The following KCND2 variants were observed in gnomAD, a reference collection of about 807,000 sequenced individuals.
The protein encoded by KCND2 is potassium voltage-gated channel subfamily D member 2, also known as A-type voltage-gated potassium channel KCND2.
In KCND2, 16 loss-of-function variants were observed where a neutral mutation model predicts 54.4. That is an observed-to-expected ratio of 0.29 (90% CI 0.20 to 0.45). KCND2 has a LOEUF of 0.45. Among genes scored for constraint, KCND2 ranks in the 20% least tolerant of loss-of-function variants. KCND2 has a pLI of 1.00. For missense variants in KCND2, 486 were observed against 824.2 expected (o/e 0.59, Z 5.02); for synonymous variants, 317 against 310.7 (o/e 1.02, Z -0.21).
At chr7:120,419,944 T>C (rs377398482) in intron 1 of KCND2, among the ~76,000 whole-genome samples, 5 of 151,392 alleles carry the variant, frequency 3.3e-5, no homozygotes, top group African/African-American at 1.2e-4. Context: ...TATTTTTTTC[T>C]TTCTTTTTTT....
chr7:120,734,609 C>T (rs1293900792), intron 2 of KCND2, among the ~76,000 whole-genome samples: 6 of 152,076 alleles, frequency 3.9e-5, no homozygotes, highest in Non-Finnish European at 8.8e-5. Context: ...TCAAAATAGT[C>T]ACCTTGAGAG....
At chr7:120,481,282 A>G (rs1802604037) in intron 1 of KCND2, among the ~76,000 whole-genome samples, 1 of 152,182 alleles carries the variant, frequency 6.6e-6, no homozygotes, top group Non-Finnish European at 1.5e-5. Flanking sequence ...TAAGCAGCAA[A>G]CCATGTAGGC....
intron 1 of KCND2, among the ~76,000 whole-genome samples, chr7:120,481,189 G>A (rs1372893657): frequency 6.6e-6 from 1 of 152,264 alleles, no homozygotes; most frequent in Admixed American, 6.5e-5. Flanking sequence ...AAAGCACTTG[G>A]GTGAATTGTG....
intron 1 of KCND2, among the ~76,000 whole-genome samples, chr7:120,648,089 T>C (rs1324265980): frequency 2.0e-5 from 3 of 152,196 alleles, no homozygotes; most frequent in Non-Finnish European, 1.5e-5. Flanking sequence ...AATAGGTTTT[T>C]CTGTCCTCCT....
intron 1 of KCND2, among the ~76,000 whole-genome samples, chr7:120,373,256 T>C (rs1800787625): frequency 6.6e-6 from 1 of 151,880 alleles, no homozygotes; most frequent in Admixed American, 6.6e-5. Context: ...TTTTCTTCCA[T>C]AAATAAGGTA....
chr7:120,462,249 G>C (rs1802294391), intron 1 of KCND2, among the ~76,000 whole-genome samples: 1 of 150,860 alleles, frequency 6.6e-6, no homozygotes, highest in Non-Finnish European at 1.5e-5. Flanking sequence ...AAAGAGTTAA[G>C]GCCTTCAACA....
At chr7:120,543,763 G>C (rs1175251050) in intron 1 of KCND2, among the ~76,000 whole-genome samples, 1 of 151,834 alleles carries the variant, frequency 6.6e-6, no homozygotes. Context: ...AGTAAGGAGT[G>C]CATTGTCCAT....
chr7:120,276,604 G>A (rs1307805966), intron 1 of KCND2, among the ~76,000 whole-genome samples: 1 of 152,074 alleles, frequency 6.6e-6, no homozygotes, highest in African/African-American at 2.4e-5. Context: ...TTTCCTTTTA[G>A]AATTTTTTTG....
chr7:120,475,201 A>G (rs1285523754), intron 1 of KCND2, among the ~76,000 whole-genome samples: 1 of 152,246 alleles, frequency 6.6e-6, no homozygotes, highest in African/African-American at 2.4e-5. Flanking sequence ...TGCCCTTAAG[A>G]ACCAAGAGGT....
intron 1 of KCND2, among the ~76,000 whole-genome samples, chr7:120,697,786 G>A (rs915588644): frequency 1.3e-5 from 2 of 152,094 alleles, no homozygotes; most frequent in Non-Finnish European, 2.9e-5. Flanking sequence ...TAATTGGAAG[G>A]ACCTAAGATT....
chr7:120,675,696 T>C (rs1048072319), intron 1 of KCND2, among the ~76,000 whole-genome samples: 10 of 152,172 alleles, frequency 6.6e-5, no homozygotes, highest in African/African-American at 2.4e-4. Context: ...GAACTGGAGA[T>C]GTCAAGAATA....
At chr7:120,371,408 A>T (rs1435591869) in intron 1 of KCND2, among the ~76,000 whole-genome samples, 1 of 152,092 alleles carries the variant, frequency 6.6e-6, no homozygotes, top group African/African-American at 2.4e-5. Context: ...CAGTTAATGT[A>T]TTTCTTGGAC....
chr7:120,503,836 A>G (rs376527568), intron 1 of KCND2, among the ~76,000 whole-genome samples: 44 of 152,136 alleles, frequency 2.9e-4, no homozygotes, highest in African/African-American at 1.0e-3. Flanking sequence ...AATAATGAAT[A>G]TAAAATAAAG....
intron 1 of KCND2, among the ~76,000 whole-genome samples, chr7:120,378,149 TTG>T (rs887686713): frequency 1.3e-5 from 2 of 151,748 alleles, no homozygotes; most frequent in Admixed American, 6.6e-5. Flanking sequence ...ACGTGTGTAT[TTG>T]TGTGTGTGTG....
chr7:120,725,729 T>C (rs16870517), intron 1 of KCND2, among the ~76,000 whole-genome samples: 41,710 of 152,112 alleles, frequency 0.27, 6,152 homozygotes, highest in East Asian at 0.44. Context: ...ATGTTGACAA[T>C]ATTTAACATC....
chr7:120,286,196 T>A (rs1339212745), intron 1 of KCND2, among the ~76,000 whole-genome samples: 1 of 151,972 alleles, frequency 6.6e-6, no homozygotes, highest in Non-Finnish European at 1.5e-5. Flanking sequence ...AATTCACAAT[T>A]TTTGGATCTG....
At chr7:120,666,071 T>C (rs1584875214) in intron 1 of KCND2, among the ~76,000 whole-genome samples, 1 of 152,098 alleles carries the variant, frequency 6.6e-6, no homozygotes, top group East Asian at 1.9e-4. Context: ...TAAAGGACTT[T>C]ATTTTGAAAG....
At chr7:120,456,286 C>T (rs1206953827) in intron 1 of KCND2, among the ~76,000 whole-genome samples, 1 of 152,148 alleles carries the variant, frequency 6.6e-6, no homozygotes, top group South Asian at 2.1e-4. Flanking sequence ...TGACATTGGG[C>T]AATTTACCTA....
Position 120,665,967 on chromosome 7 carries a change from T to C in KCND2, c.1116-66936T>C, listed in dbSNP as rs944287468. Among the ~76,000 whole-genome samples, 6 of 152,252 alleles carry C rather than the reference T, an allele frequency of 3.9e-5. No homozygotes were observed. The South Asian group carries it at 1.0e-3, about 26-fold the overall frequency. On this transcript the variant is annotated intron_variant, in intron 1 of 5. Transcript: ENST00000331113. ...ATGTATTAAATATTAAGTTTTTGAT[T>C]AGACAAAATTTCAAATCAATCAAAA...
Sources: gnomAD v4.1 joint callset for allele counts (sites outside exome capture counted in the v4.1 genomes callset) on GRCh38, gnomAD v4.1.1 for gene constraint, MANE v1.5 for transcripts, NCBI Gene and HGNC (gene_info 2026-07-23, HGNC 2026-07-21) for gene names.